TMEM87B: variants seen among roughly 807,000 people sequenced by gnomAD.
The protein encoded by TMEM87B is transmembrane protein 87B.
Under a neutral mutation model 80.3 loss-of-function variants are expected in TMEM87B, and 83 were observed. The observed-to-expected ratio is 1.03, with a 90% CI of 0.87 to 1.24. TMEM87B has a LOEUF of 1.24. Ranked by LOEUF, TMEM87B falls within the 50% of genes most tolerant of loss-of-function variation. The pLI, the probability that TMEM87B is intolerant of heterozygous loss-of-function variation, is 0.00. For missense variants in TMEM87B, 625 were observed against 674.4 expected, an observed-to-expected ratio of 0.93 and a Z score of 0.81; for synonymous variants, 219 against 230.5, an observed-to-expected ratio of 0.95 and a Z score of 0.45.
intron 15 of TMEM87B, among the ~76,000 whole-genome samples, chr2:112,103,618 C>T (rs529399867): frequency 2.8e-3 from 429 of 152,068 alleles, no homozygotes; most frequent in Admixed American, 5.4e-3. Flanking sequence ...TCCGTAGAGG[C>T]GGAAAGTAGA....
intron 4 of TMEM87B, among the ~76,000 whole-genome samples, chr2:112,073,976 C>A (rs1678735684): frequency 6.6e-6 from 1 of 152,114 alleles, no homozygotes; most frequent in Non-Finnish European, 1.5e-5. Flanking sequence ...TTATTTTGAG[C>A]CTGTGGGTGT....
intron 4 of TMEM87B, among the ~76,000 whole-genome samples, chr2:112,069,647 T>C (rs1266107178): frequency 1.1e-4 from 17 of 152,248 alleles, no homozygotes; most frequent in Non-Finnish European, 4.4e-5. Context: ...TGTGTCTTTA[T>C]GACAGAACGA....
chr2:112,056,791 C>T (rs1435210514), intron 1 of TMEM87B, among the ~76,000 whole-genome samples: 2 of 152,192 alleles, frequency 1.3e-5, no homozygotes, highest in Non-Finnish European at 2.9e-5. Flanking sequence ...CAGCCATTTC[C>T]TCCAGGATTG....
In TMEM87B at chr2:112,055,495, C is replaced by G; in HGVS notation, c.-97C>G. 7.5e-7 allele frequency: 1 copy of G among 1,338,046 alleles called. No individual in the cohort carries two copies. The highest frequency in any genetic ancestry group is 3.1e-5 in the East Asian group (1 of 32,526). 82.9% of individuals were successfully genotyped at this position (1,338,046 alleles called of 1,614,324 possible). A position where few individuals can be genotyped will look rare whatever the true frequency, so the allele number is the denominator to read the frequency against. On this transcript the variant is annotated 5_prime_UTR_variant, in exon 1 of 19. Transcript: ENST00000283206. ...CTCCTCCACACCCGAGTCCGAGCCC[C>G]GCGTCCCGGATTCGGACCCGCCTGC...
chr2:112,074,979 G>A lies in TMEM87B; in HGVS notation c.501+17G>A, dbSNP rs746984880. The A allele has an allele frequency of 4.4e-6, 7 of 1,578,510 alleles. No homozygotes were observed. The highest frequency in any genetic ancestry group is 5.2e-6 in the Non-Finnish European group (6 of 1,158,608). On this transcript the variant is annotated intron_variant, in intron 5 of 18. Coordinates refer to ENST00000283206, the MANE Select transcript of TMEM87B (RefSeq NM_032824.3). ...AGATCAATGGTAAGCAGTTTGATTT[G>A]TCTTTAAATCAAATATACACAAGTT...
chr2:112,064,143 A>C lies in TMEM87B; in HGVS notation c.227-19A>C. On this transcript the variant is annotated intron_variant, in intron 2 of 18. Transcript: ENST00000283206. ...GTATGTATTATTCATGTAAAACAAG[A>C]CTTTCTTTTTCTAAACAGTTAAGTC... 2.5e-6 allele frequency: 4 copies of C among 1,605,464 alleles called. No homozygotes were observed. Among genetic ancestry groups the C allele is most frequent in the Non-Finnish European group, 3.4e-6 (4 of 1,174,252 alleles).
intron 17 of TMEM87B, 87 bp from the exon 18 acceptor site, chr2:112,112,812 C>T (rs1172528713): frequency 1.6e-6 from 2 of 1,241,832 alleles, no homozygotes; most frequent in Non-Finnish European, 1.2e-6. Context: ...AATTAGTGGG[C>T]CATGGCATGT....
chr2:112,085,995 T>A lies in TMEM87B; in HGVS notation c.839-10T>A. The A allele has an allele frequency of 2.5e-6, 4 of 1,609,474 alleles. No homozygotes were observed. Among genetic ancestry groups the A allele is most frequent in the Non-Finnish European group, 3.4e-6 (4 of 1,177,766 alleles). On this transcript the variant is annotated splice_polypyrimidine_tract_variant and intron_variant, in intron 8 of 18. Coordinates refer to ENST00000283206, the MANE Select transcript of TMEM87B (RefSeq NM_032824.3). ...GACAAAGTGAATTATTTTATTTTTT[T>A]CTTCCTCAGCCCAAGGCTTATTGAT...
At chr2:112,065,812 T>G (rs1325653040) in intron 3 of TMEM87B, among the ~76,000 whole-genome samples, 2 of 152,198 alleles carry the variant, frequency 1.3e-5, no homozygotes, top group Non-Finnish European at 2.9e-5. Context: ...TAATCTGGAT[T>G]TCCCCCCTTT....
intron 1 of TMEM87B, among the ~76,000 whole-genome samples, chr2:112,059,212 G>A (rs1678171167): frequency 6.6e-6 from 1 of 152,090 alleles, no homozygotes; most frequent in Non-Finnish European, 1.5e-5. Context: ...GTCTCTAACT[G>A]CAGGATTTTT....
Position 112,100,700 on chromosome 2 carries a change from G to A in TMEM87B, c.1450+5G>A. ...TGGTAACTTCTGAAAATTTAAGTGA[G>A]TAATATGTTTTCTTTTTAAATGACC... On this transcript the variant is annotated splice_donor_5th_base_variant and intron_variant, in intron 15 of 18. Transcript: ENST00000283206. 2 of 1,571,402 alleles carry A rather than the reference G, an allele frequency of 1.3e-6. No individual in the cohort carries two copies. Among genetic ancestry groups the A allele is most frequent in the Non-Finnish European group, 1.7e-6 (2 of 1,143,354 alleles).
intron 3 of TMEM87B, among the ~76,000 whole-genome samples, chr2:112,066,572 ACTTT>A (rs2104458887): frequency 6.6e-6 from 1 of 152,304 alleles, no homozygotes; most frequent in South Asian, 2.1e-4. Flanking sequence ...GTTGAATGCT[ACTTT>A]CTTTCTCTGT....
intron 17 of TMEM87B, 76 bp downstream of exon 17, chr2:112,107,916 A>G (rs767030600): frequency 9.6e-7 from 1 of 1,038,098 alleles, no homozygotes; most frequent in Admixed American, 2.1e-5. Flanking sequence ...ATCCTTTGTC[A>G]TGTGCTTTTC....
chr2:112,086,146 G>C, intron 9 of TMEM87B, 42 bp downstream of exon 9: 1 of 1,498,142 alleles, frequency 6.7e-7, no homozygotes, highest in Non-Finnish European at 9.3e-7. Context: ...TCCCAGCCCA[G>C]TGATTCAGTC....
At chr2:112,084,289 A>G (rs1404735294) in intron 8 of TMEM87B, among the ~76,000 whole-genome samples, 1 of 152,076 alleles carries the variant, frequency 6.6e-6, no homozygotes, top group Non-Finnish European at 1.5e-5. Flanking sequence ...TACATTCTGC[A>G]CTCTTTCGGA....
At chr2:112,115,383 T>G (rs11675437) in intron 18 of TMEM87B, among the ~76,000 whole-genome samples, 1,589 of 40,044 alleles carry the variant, frequency 0.04, 32 homozygotes, top group East Asian at 0.29. Context: ...CAGAAAGATG[T>G]AGCATTACAG....
chr2:112,066,197 A>G (rs867056836), intron 3 of TMEM87B, among the ~76,000 whole-genome samples: 1 of 152,154 alleles, frequency 6.6e-6, no homozygotes, highest in Non-Finnish European at 1.5e-5. Context: ...CTGATTGCTG[A>G]ATGGTGATTT....
In TMEM87B at chr2:112,078,227, C is replaced by T. The variant is rs551115996; in HGVS notation, c.592+945C>T. 1.1e-4 allele frequency among the ~76,000 whole-genome samples: 16 copies of T among 152,314 alleles called. No homozygotes were observed. In the South Asian group the frequency reaches 2.9e-3, roughly 28 times the overall value. ...TGTGCTGCTATAATAGAATACTTGA[C>T]ACTGGGTAATTTATAAAGAACAGAA... On this transcript the variant is annotated intron_variant, in intron 6 of 18. Coordinates refer to ENST00000283206, the MANE Select transcript of TMEM87B (RefSeq NM_032824.3).
At chr2:112,058,736 C>G (rs1678158932) in intron 1 of TMEM87B, among the ~76,000 whole-genome samples, 1 of 152,160 alleles carries the variant, frequency 6.6e-6, no homozygotes. Context: ...GTAGAAGTAC[C>G]AGTTAAGCTA....
Sources: allele counts gnomAD v4.1 joint callset (sites outside exome capture counted in the v4.1 genomes callset), GRCh38; gene constraint gnomAD v4.1.1; transcripts MANE v1.5; gene names NCBI Gene and HGNC (gene_info 2026-07-23, HGNC 2026-07-21).